TRAPPC9: variants seen among roughly 807,000 people sequenced by gnomAD.
The protein encoded by TRAPPC9 is IKK2 binding protein.
A neutral mutation model predicts 124.0 loss-of-function variants in TRAPPC9; 83 were observed. That is an observed-to-expected ratio of 0.67 (90% CI 0.56 to 0.80). The LOEUF (loss-of-function observed/expected upper bound fraction) is 0.80, where lower values mean the gene tolerates loss of function less well. Among genes scored for constraint, TRAPPC9 ranks in the 30% least tolerant of loss-of-function variants. TRAPPC9 has a pLI of 0.00. For synonymous variants in TRAPPC9, 638 were observed against 617.5 expected (o/e 1.03, Z -0.49); for missense variants, 1,302 against 1,508.3 (o/e 0.86, Z 2.27).
At chr8:140,146,864 CAAA>C (rs11460861) in intron 17 of TRAPPC9, among the ~76,000 whole-genome samples, 1 of 125,176 alleles carries the variant, frequency 8.0e-6, no homozygotes, top group Non-Finnish European at 1.8e-5. Context: ...GTTTTCTAAC[CAAA>C]AAAAAAAAAA....
intron 21 of TRAPPC9, among the ~76,000 whole-genome samples, chr8:139,804,383 CAAA>C (rs1768805361): frequency 7.5e-6 from 1 of 134,170 alleles, no homozygotes; most frequent in Non-Finnish European, 1.6e-5. Flanking sequence ...CCACCACCAC[CAAA>C]CACCACCACC....
intron 19 of TRAPPC9, among the ~76,000 whole-genome samples, chr8:139,986,640 A>G (rs1428426103): frequency 6.6e-6 from 1 of 152,232 alleles, no homozygotes; most frequent in Non-Finnish European, 1.5e-5. Context: ...TGTAGCTATC[A>G]TGCCCCGACC....
At chr8:139,747,873 G>A (rs1175581142) in intron 21 of TRAPPC9, among the ~76,000 whole-genome samples, 1 of 82,012 alleles carries the variant, frequency 1.2e-5, no homozygotes, top group African/African-American at 8.0e-5. Flanking sequence ...AAGATGCAGG[G>A]GTTACACACA....
At chr8:140,187,733 G>A (rs536287819) in intron 17 of TRAPPC9, among the ~76,000 whole-genome samples, 16 of 152,232 alleles carry the variant, frequency 1.1e-4, no homozygotes, top group Non-Finnish European at 1.6e-4. Context: ...GGAGTACAGT[G>A]GCTCGATCAC....
At chr8:140,360,638 GAAA>G (rs10571203) in intron 8 of TRAPPC9, among the ~76,000 whole-genome samples, 3 of 148,820 alleles carry the variant, frequency 2.0e-5, no homozygotes, top group South Asian at 4.3e-4. Context: ...AGCTAAATTA[GAAA>G]AAAAAAAAGT....
chr8:140,194,622 G>C (rs1304492753), intron 17 of TRAPPC9, among the ~76,000 whole-genome samples: 1 of 152,118 alleles, frequency 6.6e-6, no homozygotes, highest in Non-Finnish European at 1.5e-5. Flanking sequence ...TTCTGTGCCT[G>C]GACCTAGGGC....
chr8:140,013,764 C>T (rs776277496), intron 18 of TRAPPC9, among the ~76,000 whole-genome samples: 11 of 152,208 alleles, frequency 7.2e-5, no homozygotes, highest in Non-Finnish European at 1.5e-4. Context: ...CAATTATCTG[C>T]CTTGTGTCAG....
intron 16 of TRAPPC9, among the ~76,000 whole-genome samples, chr8:140,223,173 A>AGT (rs1563859472): frequency 2.7e-4 from 41 of 150,760 alleles, no homozygotes; most frequent in Middle Eastern, 3.4e-3. Flanking sequence ...CCCTCCCCTC[A>AGT]CTCCACCCCA....
chr8:139,910,050 G>GA, intron 20 of TRAPPC9, 97 bp downstream of exon 20: 1 of 1,439,970 alleles, frequency 6.9e-7, no homozygotes, highest in East Asian at 2.3e-5. Context: ...TACCTGTGGT[G>GA]AAAATTCAAT....
intron 21 of TRAPPC9, among the ~76,000 whole-genome samples, chr8:139,816,960 C>T (rs1468386533): frequency 1.3e-5 from 2 of 151,596 alleles, no homozygotes; most frequent in African/African-American, 4.9e-5. Flanking sequence ...AGATGATATG[C>T]ATTTAAGTGT....
At chr8:140,197,121 T>A (rs1280001227) in intron 17 of TRAPPC9, among the ~76,000 whole-genome samples, 2 of 151,900 alleles carry the variant, frequency 1.3e-5, no homozygotes, top group Non-Finnish European at 2.9e-5. Flanking sequence ...TGATAACAAG[T>A]GAGGGGACTG....
intron 14 of TRAPPC9, among the ~76,000 whole-genome samples, chr8:140,278,172 C>T (rs944606703): frequency 6.6e-6 from 1 of 151,964 alleles, no homozygotes; most frequent in Non-Finnish European, 1.5e-5. Flanking sequence ...GGCACAATCT[C>T]CACTCACTGC....
rs1187988306 is a variant in TRAPPC9, at chr8:140,300,615, CT to C, written c.1623-2del. 1.2e-6 allele frequency: 2 copies of C among 1,614,212 alleles called. No individual in the cohort carries two copies. The highest frequency in any genetic ancestry group is 2.2e-5 in the South Asian group (2 of 91,084). ...AGGAAGGTTCAATAGTTTCACATGC[CT>C]GTTGTTTCAAACAGAACACAAATAC... On this transcript the variant is annotated splice_acceptor_variant, in intron 10 of 22. Transcript: ENST00000438773. LOFTEE classifies it high-confidence loss of function.
At chr8:140,215,273 C>T (rs967611960) in intron 17 of TRAPPC9, among the ~76,000 whole-genome samples, 1 of 152,126 alleles carries the variant, frequency 6.6e-6, no homozygotes, top group Admixed American at 6.5e-5. Context: ...ACCTAGAAGG[C>T]CCTTCACGGA....
chr8:139,802,179 C>A (rs781622852), intron 21 of TRAPPC9, among the ~76,000 whole-genome samples: 12 of 152,202 alleles, frequency 7.9e-5, no homozygotes, highest in Non-Finnish European at 1.8e-4. Flanking sequence ...AGGCGGGGAG[C>A]AAGCAGGGTG....
chr8:140,379,513 A>G (rs918081782), intron 7 of TRAPPC9, among the ~76,000 whole-genome samples: 13 of 152,192 alleles, frequency 8.5e-5, no homozygotes, highest in African/African-American at 3.1e-4. Flanking sequence ...AAGAGAATTA[A>G]TATCAGCCCC....
chr8:140,438,754 G>A lies in TRAPPC9; in HGVS notation c.730+298C>T, dbSNP rs187179581. On this transcript the variant is annotated intron_variant, in intron 3 of 22. Transcript: ENST00000438773. ...TGTTGCCAGGCTGGAGTGCAGTTGTGCAACCTCTGCTCACTGCAACTTCTG... is the reference window on the plus strand; with the variant it reads ...TGTTGCCAGGCTGGAGTGCAGTTGTACAACCTCTGCTCACTGCAACTTCTG... Among the ~76,000 whole-genome samples, 1,095 of 151,946 alleles carry A rather than the reference G, an allele frequency of 7.2e-3. 13 individuals carry two copies. The highest frequency in any genetic ancestry group is 0.023 in the African/African-American group (943 of 41,412).
chr8:139,861,148 C>G (rs1293252667), intron 21 of TRAPPC9, among the ~76,000 whole-genome samples: 4 of 152,236 alleles, frequency 2.6e-5, no homozygotes, highest in African/African-American at 9.6e-5. Context: ...ATGTAATTTT[C>G]TCAGCAAGGC....
At chr8:139,845,014 C>A (rs147564724) in intron 21 of TRAPPC9, among the ~76,000 whole-genome samples, 76 of 152,274 alleles carry the variant, frequency 5.0e-4, no homozygotes, top group Non-Finnish European at 6.8e-4. Flanking sequence ...CCTTCCCATC[C>A]GCCCCCTCTC....
Sources: gnomAD v4.1 joint callset for allele counts (sites outside exome capture counted in the v4.1 genomes callset) on GRCh38, gnomAD v4.1.1 for gene constraint, MANE v1.5 for transcripts, NCBI Gene and HGNC (gene_info 2026-07-23, HGNC 2026-07-21) for gene names.